CPA4: variants seen among roughly 807,000 people sequenced by gnomAD.
CPA4 encodes carboxypeptidase A3.
CPA4 carries 49 observed loss-of-function variants against 54.7 expected under a neutral mutation model. The observed-to-expected ratio is 0.90, with a 90% CI of 0.71 to 1.14. The LOEUF (loss-of-function observed/expected upper bound fraction) is 1.14, where lower values mean the gene tolerates loss of function less well. Among genes scored for constraint, CPA4 ranks in the 50% most tolerant of loss-of-function variants. The probability of loss-of-function intolerance (pLI) is 0.00; values close to 1 mark genes in which losing one functional copy is unlikely to be tolerated. For synonymous variants in CPA4, 215 were observed against 206.8 expected, an observed-to-expected ratio of 1.04 and a Z score of -0.34; for missense variants, 487 against 525.1, an observed-to-expected ratio of 0.93 and a Z score of 0.71.
chr7:130,312,266 T>C, intron 10 of CPA4, 144 bp downstream of exon 10: 1 of 637,424 alleles, frequency 1.6e-6, no homozygotes, highest in Admixed American at 2.4e-5. Flanking sequence ...ATCATGCCTG[T>C]GTGGTGACAG....
At chr7:130,300,952 G>T in intron 4 of CPA4, 38 bp downstream of exon 4, 5 of 1,360,740 alleles carry the variant, frequency 3.7e-6, no homozygotes, top group Non-Finnish European at 5.3e-6. Flanking sequence ...AAGGTTCTCT[G>T]CCTCCTGAAT....
chr7:130,312,141 A>C lies in CPA4; in HGVS notation c.1078+19A>C, dbSNP rs754058607. Reference sequence around the variant, plus strand: ...ACTGTCTGTAAGTACTCGCTTATTTATGAGTTATTTAGAAAGCACTTTGAG... The same window carrying C: ...ACTGTCTGTAAGTACTCGCTTATTTCTGAGTTATTTAGAAAGCACTTTGAG... On this transcript the variant is annotated intron_variant, in intron 10 of 10. Transcript: ENST00000222482. The C allele has an allele frequency of 6.3e-7, 1 of 1,577,300 alleles. No homozygotes were observed.
intron 4 of CPA4, 35 bp downstream of exon 4, chr7:130,300,949 T>C: frequency 7.3e-7 from 1 of 1,373,672 alleles, no homozygotes; most frequent in Non-Finnish European, 1.0e-6. Context: ...ATCAAGGTTC[T>C]CTGCCTCCTG....
chr7:130,301,623 T>G (rs115999844), intron 4 of CPA4, among the ~76,000 whole-genome samples: 219 of 152,252 alleles, frequency 1.4e-3, no homozygotes, highest in African/African-American at 5.1e-3. Context: ...TTCCCCCTGG[T>G]GTACCTTAAT....
chr7:130,314,233 G>A (rs1187307301), intron 10 of CPA4, among the ~76,000 whole-genome samples: 1 of 152,190 alleles, frequency 6.6e-6, no homozygotes, highest in Non-Finnish European at 1.5e-5. Context: ...GGACCCTACA[G>A]GGAAATTTTC....
intron 1 of CPA4, among the ~76,000 whole-genome samples, chr7:130,295,365 G>A (rs893475094): frequency 1.3e-5 from 2 of 152,174 alleles, no homozygotes; most frequent in African/African-American, 2.4e-5. Context: ...GCAGCTGGAC[G>A]CCCTGTCTAT....
intron 5 of CPA4, 150 bp downstream of exon 5, chr7:130,304,729 G>C (rs1793792334): frequency 1.6e-6 from 1 of 633,236 alleles, no homozygotes; most frequent in African/African-American, 1.8e-5. Context: ...AACTTGGTCT[G>C]ACAGAGCCCC....
intron 9 of CPA4, 35 bp from the exon 10 acceptor site, chr7:130,312,003 G>T: frequency 1.3e-6 from 2 of 1,538,640 alleles, no homozygotes; most frequent in South Asian, 1.1e-5. Flanking sequence ...CTTCAGGATC[G>T]ATTTTTTCTC....
chr7:130,317,485 C>T (rs1794007143), intron 10 of CPA4, among the ~76,000 whole-genome samples: 1 of 152,200 alleles, frequency 6.6e-6, no homozygotes, highest in Non-Finnish European at 1.5e-5. Flanking sequence ...TTTTATGAGA[C>T]AGGGTCTCAC....
intron 1 of CPA4, among the ~76,000 whole-genome samples, chr7:130,298,117 G>A (rs1223896301): frequency 1.2e-4 from 18 of 152,140 alleles, no homozygotes; most frequent in Admixed American, 1.2e-3. Flanking sequence ...GCCTCTGTGT[G>A]GGGTTCTGGA....
chr7:130,314,177 G>A (rs541055408), intron 10 of CPA4, among the ~76,000 whole-genome samples: 2 of 152,316 alleles, frequency 1.3e-5, no homozygotes, highest in East Asian at 3.9e-4. Flanking sequence ...GGTGGTCAGA[G>A]GGGTGTTTAA....
chr7:130,316,040 T>C (rs1793982667), intron 10 of CPA4, among the ~76,000 whole-genome samples: 1 of 152,174 alleles, frequency 6.6e-6, no homozygotes, highest in Non-Finnish European at 1.5e-5. Context: ...CCGCCATAAC[T>C]AGTTGCTATA....
intron 1 of CPA4, among the ~76,000 whole-genome samples, chr7:130,297,056 G>A (rs892525446): frequency 9.2e-5 from 14 of 152,012 alleles, no homozygotes; most frequent in Non-Finnish European, 1.5e-4. Context: ...GGGCTCCAGC[G>A]ATCCTCCTGC....
chr7:130,294,979 T>C (rs1793626398), intron 1 of CPA4, among the ~76,000 whole-genome samples: 1 of 150,376 alleles, frequency 6.6e-6, no homozygotes, highest in Admixed American at 6.6e-5. Flanking sequence ...CTGCCTCACC[T>C]ATCTCCCCAG....
At position 130,316,725 on chromosome 7, in the gene CPA4, G is replaced by A. The variant is rs530942462; in HGVS notation, c.1078+4603G>A. Among the ~76,000 whole-genome samples the A allele has an allele frequency of 2.0e-5, 3 of 152,132 alleles. No homozygotes were observed. In the East Asian group the frequency reaches 5.8e-4, roughly 30 times the overall value. Reference sequence around the variant, plus strand: ...GGCCGAGGCGGGTGGATCACCTGAGGTCAGGAGTTTGAGACCAGCTTGGCC... The same window carrying A: ...GGCCGAGGCGGGTGGATCACCTGAGATCAGGAGTTTGAGACCAGCTTGGCC... On this transcript the variant is annotated intron_variant, in intron 10 of 10. Transcript: ENST00000222482.
chr7:130,296,125 T>C (rs1793644793), intron 1 of CPA4, among the ~76,000 whole-genome samples: 1 of 152,152 alleles, frequency 6.6e-6, no homozygotes. Flanking sequence ...TGGGACTAGA[T>C]GGGCCTGACA....
chr7:130,305,447 C>A (rs1439382439), intron 5 of CPA4, among the ~76,000 whole-genome samples: 1 of 152,166 alleles, frequency 6.6e-6, no homozygotes, highest in African/African-American at 2.4e-5. Flanking sequence ...TTTATCATGT[C>A]GACCGAAACA....
intron 10 of CPA4, among the ~76,000 whole-genome samples, chr7:130,318,865 G>A (rs1029722170): frequency 2.0e-5 from 3 of 152,146 alleles, no homozygotes; most frequent in Non-Finnish European, 4.4e-5. Context: ...GTCGACGTTT[G>A]TCCTTTCAAG....
At position 130,310,958 on chromosome 7, in the gene CPA4, T is replaced by A; in HGVS notation, c.965T>A (p.Val322Asp). The A allele has an allele frequency of 6.2e-7, 1 of 1,613,950 alleles. No homozygotes were observed. The highest frequency in any genetic ancestry group is 8.5e-7 in the Non-Finnish European group (1 of 1,180,000). The part of the protein sequence containing the change: ...QLLMYPYGYS[V>D]KKAPDAEELD... ...CTGATGTATCCATATGGGTACTCAG[T>A]CAAAAAGGCCCCAGATGCCGAGGAA... The change falls in exon 9 of 11, where the codon GTC becomes GAC. Residue 322 changes from valine (V) to aspartate (D), a missense_variant. Val to Asp is a radical substitution (Grantham distance 152). Transcript: ENST00000222482. This position sits in a 1 kb window ranked among gnomAD's most constrained non-coding sequence, Gnocchi z 4.3.
Sources: allele counts gnomAD v4.1 joint callset (sites outside exome capture counted in the v4.1 genomes callset), GRCh38; gene constraint gnomAD v4.1.1; non-coding constraint Gnocchi (gnomAD v3.1); transcripts MANE v1.5; gene names NCBI Gene and HGNC (gene_info 2026-07-23, HGNC 2026-07-21).